Variants in MYPOP observed in about 807,000 individuals in gnomAD.
MYPOP encodes the protein myb-related transcription factor, partner of profilin.
A neutral mutation model predicts 25.7 loss-of-function variants in MYPOP; 21 were observed. The observed-to-expected ratio is 0.82, with a 90% CI of 0.58 to 1.18. MYPOP has a LOEUF of 1.18. Ranked by LOEUF, MYPOP falls within the 50% of genes most tolerant of loss-of-function variation. The pLI is 0.00. For missense variants in MYPOP, 566 were observed against 588.3 expected (o/e 0.96, Z 0.39); for synonymous variants, 280 against 247.9 (o/e 1.13, Z -1.22).
chr19:45,897,931 T>C (rs551969826), intron 2 of MYPOP, among the ~76,000 whole-genome samples: 79 of 151,222 alleles, frequency 5.2e-4, no homozygotes, highest in African/African-American at 1.8e-3. Context: ...CTTTTCTTTT[T>C]TTTTTTTTTT....
In MYPOP at chr19:45,890,349, A is replaced by C; in HGVS notation, c.*274T>G. 2 of 375,684 alleles carry C rather than the reference A, an allele frequency of 5.3e-6. No homozygotes were observed. The highest frequency in any genetic ancestry group is 4.5e-5 in the Admixed American group (1 of 22,288). 23.3% of individuals were successfully genotyped at this position (375,684 alleles called of 1,614,324 possible). On this transcript the variant is annotated 3_prime_UTR_variant, in exon 3 of 3. Coordinates refer to ENST00000322217, the MANE Select transcript of MYPOP (RefSeq NM_001012643.4). ...CCGAGAGGTTCCCTCCCCACCCCAC[A>C]TAGGGCAATAATAAATAACATGAAA... is the stretch of plus-strand genomic sequence containing the variant.
Position 45,899,646 on chromosome 19 carries a change from C to T in MYPOP, c.499+1629G>A, listed in dbSNP as rs979195901. ...CCTGAGGTCGGGAGTTCCAGACCAG[C>T]CTGGTCAACATGGTGAAATCCCATC... On this transcript the variant is annotated intron_variant, in intron 2 of 2. Coordinates refer to ENST00000322217, the MANE Select transcript of MYPOP (RefSeq NM_001012643.4). Among the ~76,000 whole-genome samples, 7 of 152,248 alleles carry T rather than the reference C, an allele frequency of 4.6e-5. No individual in the cohort carries two copies. In the East Asian group the frequency reaches 1.4e-3, roughly 29 times the overall value.
chr19:45,900,459 C>CT (rs1568645352), intron 2 of MYPOP, among the ~76,000 whole-genome samples: 1 of 146,612 alleles, frequency 6.8e-6, no homozygotes, highest in East Asian at 2.0e-4. Flanking sequence ...ACCCCCCCCC[C>CT]CACCGAAATC....
In MYPOP at chr19:45,901,975, G is replaced by A. The variant is rs1967305446; in HGVS notation, c.-52-150C>T. The A allele has an allele frequency of 2.6e-6, 1 of 382,202 alleles. No individual in the cohort carries two copies. The highest frequency in any genetic ancestry group is 4.5e-6 in the Non-Finnish European group (1 of 222,346). The allele number at this position is 382,202 out of a possible 1,614,324, so 23.7% of individuals were successfully genotyped here. ...GGGCGACGGGCACCCGGGTAAGTCG[G>A]AAGCGCCTAAGAGTAGCTGACACCG... On this transcript the variant is annotated intron_variant, in intron 1 of 2. Transcript: ENST00000322217. This position sits in a 1 kb window ranked among gnomAD's most constrained non-coding sequence, Gnocchi z 5.7.
At chr19:45,895,022 G>T (rs1036190271) in intron 2 of MYPOP, among the ~76,000 whole-genome samples, 1 of 151,946 alleles carries the variant, frequency 6.6e-6, no homozygotes, top group African/African-American at 2.4e-5. Context: ...GCCTTATATT[G>T]CAATATAATT....
rs971105322 is a variant in MYPOP at position 45,890,474 on chromosome 19, G to GA, written c.*148dup. 8.8e-5 allele frequency: 116 copies of GA among 1,322,578 alleles called. No homozygotes were observed. Among genetic ancestry groups the GA allele is most frequent in the Non-Finnish European group, 1.1e-4 (111 of 999,816 alleles). 81.9% of individuals were successfully genotyped at this position (1,322,578 alleles called of 1,614,324 possible). On this transcript the variant is annotated 3_prime_UTR_variant, in exon 3 of 3. Coordinates refer to ENST00000322217, the MANE Select transcript of MYPOP (RefSeq NM_001012643.4). ...GCCCATTACTGAGGCCCCCCCCAGAGAATCAGGCACTAACTAGCACAGGGA... is the reference window on the plus strand; with the variant it reads ...GCCCATTACTGAGGCCCCCCCCAGAGAAATCAGGCACTAACTAGCACAGGGA...
At chr19:45,893,549 C>T (rs1426660014) in intron 2 of MYPOP, among the ~76,000 whole-genome samples, 1 of 81,936 alleles carries the variant, frequency 1.2e-5, no homozygotes, top group Admixed American at 1.8e-4. Flanking sequence ...GCCTGGGCAA[C>T]AAGAGCGAAA....
chr19:45,895,729 C>T (rs1458922574), intron 2 of MYPOP, among the ~76,000 whole-genome samples: 1 of 152,130 alleles, frequency 6.6e-6, no homozygotes, highest in Non-Finnish European at 1.5e-5. Flanking sequence ...CCCAGAGTGC[C>T]CAGCACCCAC....
chr19:45,901,617 G>C lies in MYPOP; in HGVS notation c.157C>G (p.Arg53Gly). The C allele has an allele frequency of 6.2e-7, 1 of 1,610,430 alleles. No homozygotes were observed. Among genetic ancestry groups the C allele is most frequent in the Non-Finnish European group, 8.5e-7 (1 of 1,179,190 alleles). ...GCGGCGATGCCGTCCCACACGCGCC[G>C]CCGCTCTGCCACGCTCACCCGACGG... is the stretch of plus-strand genomic sequence containing the variant. ...QSRRVSVAER[R>G]RVWDGIAAKI... Residue 53 changes from arginine to glycine, a missense_variant, in exon 2 of 3, where the codon CGG becomes GGG. Transcript: ENST00000322217. The surrounding 1 kb of genome is among the most constrained non-coding windows in gnomAD (Gnocchi z 5.7).
Position 45,901,224 on chromosome 19 carries a change from G to A in MYPOP, c.499+51C>T. The stretch of plus-strand genomic sequence containing the variant: ...CTGCAGCAAGGCTTTGATGAGACAT[G>A]TAAAAGGCTTGCAACAGCGCAGGCA... On this transcript the variant is annotated intron_variant, in intron 2 of 2. Coordinates refer to ENST00000322217, the MANE Select transcript of MYPOP (RefSeq NM_001012643.4). The surrounding 1 kb of genome is among the most constrained non-coding windows in gnomAD (Gnocchi z 5.7). 7.2e-7 allele frequency: 1 copy of A among 1,395,918 alleles called. No homozygotes were observed. The highest frequency in any genetic ancestry group is 1.7e-5 in the South Asian group (1 of 60,488). 86.5% of individuals were successfully genotyped at this position (1,395,918 alleles called of 1,614,324 possible).
At chr19:45,892,393 C>T (rs1002896304) in intron 2 of MYPOP, among the ~76,000 whole-genome samples, 6 of 152,170 alleles carry the variant, frequency 3.9e-5, no homozygotes, top group Admixed American at 2.0e-4. Flanking sequence ...CAGCCCCCAG[C>T]CTGGTAGGTT....
intron 2 of MYPOP, among the ~76,000 whole-genome samples, chr19:45,893,644 C>G (rs969299092): frequency 6.7e-6 from 1 of 149,742 alleles, no homozygotes; most frequent in African/African-American, 2.5e-5. Flanking sequence ...TGGGGGAAGA[C>G]AGGGAAGATG....
intron 2 of MYPOP, among the ~76,000 whole-genome samples, chr19:45,895,352 T>A (rs1281695282): frequency 6.6e-6 from 1 of 152,000 alleles, no homozygotes; most frequent in East Asian, 1.9e-4. Context: ...CTCAAGCGAT[T>A]CTCTCACCTC....
chr19:45,893,167 G>A (rs1967149817), intron 2 of MYPOP, among the ~76,000 whole-genome samples: 1 of 151,942 alleles, frequency 6.6e-6, no homozygotes, highest in Non-Finnish European at 1.5e-5. Flanking sequence ...CCCAGCTACT[G>A]GGGAGGCTGA....
In MYPOP at chr19:45,891,055, T is replaced by C. The variant is rs1967114723; in HGVS notation, c.768A>G (p.Ser256=). The C allele has an allele frequency of 7.4e-7, 1 of 1,359,532 alleles. No individual in the cohort carries two copies. Among genetic ancestry groups the C allele is most frequent in the Non-Finnish European group, 9.6e-7 (1 of 1,040,174 alleles). 84.2% of individuals were successfully genotyped at this position (1,359,532 alleles called of 1,614,324 possible). Residue 256 remains serine (S), a synonymous_variant, in exon 3 of 3, where the codon TCA becomes TCG. Transcript: ENST00000322217. ...CCCGCAGGAAGTCCAGGGAGGGGTC[T>C]GAGGCCGAGAGCGTGGGTGGAGGCC... is the stretch of plus-strand genomic sequence containing the variant. ...PPRPPPTLSA[S]DPSLDFLRAQ... is the part of the protein sequence containing the mutation.
At chr19:45,898,326 T>C (rs1240915854) in intron 2 of MYPOP, among the ~76,000 whole-genome samples, 1 of 149,700 alleles carries the variant, frequency 6.7e-6, no homozygotes, top group Admixed American at 6.7e-5. Flanking sequence ...TGGTTCTTTT[T>C]TTTGTTTTTT....
rs1246696575 is a variant in MYPOP, at chr19:45,891,259, A to C, written c.564T>G (p.Thr188=). The C allele has an allele frequency of 1.3e-6, 2 of 1,551,462 alleles. No individual in the cohort carries two copies. The highest frequency in any genetic ancestry group is 1.7e-6 in the Non-Finnish European group (2 of 1,154,768). The part of the protein sequence containing the change: ...SPEPWARPSC[T]PQEGGCPRPK... Reference sequence around the variant, plus strand: ...GCCGTGGGCAGCCCCCTTCCTGGGGAGTGCAGGAGGGCCGGGCCCATGGCT... The same window carrying C: ...GCCGTGGGCAGCCCCCTTCCTGGGGCGTGCAGGAGGGCCGGGCCCATGGCT... Residue 188 remains threonine, a synonymous_variant, in exon 3 of 3, where the codon ACT becomes ACG. Coordinates refer to ENST00000322217, the MANE Select transcript of MYPOP (RefSeq NM_001012643.4).
At position 45,901,732 on chromosome 19, in the gene MYPOP, C is replaced by T; in HGVS notation, c.42G>A (p.Arg14=). The part of the protein sequence containing the change: ...AAAGEAEETT[R]LRKPRFSFEE... ...CGAATGAGAAGCGCGGCTTGCGCAA[C>T]CGGGTGGTTTCCTCCGCTTCGCCCG... is the stretch of plus-strand genomic sequence containing the variant. The change falls in exon 2 of 3, where the codon CGG becomes CGA. Residue 14 remains arginine, a synonymous_variant. Coordinates refer to ENST00000322217, the MANE Select transcript of MYPOP (RefSeq NM_001012643.4). The surrounding 1 kb of genome is among the most constrained non-coding windows in gnomAD (Gnocchi z 5.7). 1 of 1,549,634 alleles carries T rather than the reference C, an allele frequency of 6.5e-7. No individual in the cohort carries two copies. The highest frequency in any genetic ancestry group is 2.6e-5 in the East Asian group (1 of 38,912).
chr19:45,893,568 C>CAAAAAAA (rs35882237), intron 2 of MYPOP, among the ~76,000 whole-genome samples: 1 of 82,356 alleles, frequency 1.2e-5, no homozygotes, highest in Non-Finnish European at 2.3e-5. Flanking sequence ...AACTCCGTCT[C>CAAAAAAA]AAAAAAAAAA....
Sources: allele counts gnomAD v4.1 joint callset (sites outside exome capture counted in the v4.1 genomes callset), GRCh38; gene constraint gnomAD v4.1.1; non-coding constraint Gnocchi (gnomAD v3.1); transcripts MANE v1.5; gene names NCBI Gene and HGNC (gene_info 2026-07-23, HGNC 2026-07-21).